The following TOM1L2 variants were observed in gnomAD, a reference collection of about 807,000 sequenced individuals.
TOM1L2 encodes the protein target of myb1 like 2 membrane trafficking protein.
Under a neutral mutation model 67.9 loss-of-function variants are expected in TOM1L2, and 31 were observed. That is an observed-to-expected ratio of 0.46 (90% confidence interval 0.34 to 0.62). The LOEUF is 0.62. Among genes scored for constraint, TOM1L2 ranks in the 20% least tolerant of loss-of-function variants. The probability of loss-of-function intolerance (pLI) is 0.01; values close to 1 mark genes in which losing one functional copy is unlikely to be tolerated. For synonymous variants in TOM1L2, 256 were observed against 254.0 expected (o/e 1.01, Z -0.07); for missense variants, 606 against 663.5 (o/e 0.91, Z 0.95).
chr17:17,959,891 GGTCA>G (rs2041616167), intron 1 of TOM1L2, among the ~76,000 whole-genome samples: 1 of 152,154 alleles, frequency 6.6e-6, no homozygotes, highest in South Asian at 2.1e-4. Flanking sequence ...AAAGCAAGTT[GGTCA>G]GTTAGACAAT....
In TOM1L2 at chr17:17,847,745, C is replaced by T; in HGVS notation, c.1414G>A (p.Glu472Lys). Residue 472 changes from glutamate (E) to lysine (K), a missense_variant, in exon 15 of 15, where the codon GAA becomes AAA. Transcript: ENST00000379504. ...KFLEERAKAA[E>K]MVPDLPSPPM... ...GGCGAGGGGAGGTCGGGAACCATTT[C>T]AGCAGCTTTGGCTCTTTCTTCAAGG... The T allele has an allele frequency of 1.9e-6, 3 of 1,614,096 alleles. No individual in the cohort carries two copies. Among genetic ancestry groups the T allele is most frequent in the Non-Finnish European group, 2.5e-6 (3 of 1,180,002 alleles).
chr17:17,850,843 G>A, intron 13 of TOM1L2, 50 bp downstream of exon 13: 1 of 1,598,164 alleles, frequency 6.3e-7, no homozygotes, highest in Non-Finnish European at 8.6e-7. Context: ...CCTCAGAAGA[G>A]CCTCTGCCGC....
rs1263606148 is a variant in TOM1L2, at chr17:17,845,343, A to AGCTGGC, written c.*2286_*2291dup. 8 of 152,400 alleles carry AGCTGGC rather than the reference A, an allele frequency of 5.2e-5. No individual in the cohort carries two copies. The highest frequency in any genetic ancestry group is 1.9e-4 in the East Asian group (1 of 5,180). 9.4% of individuals were successfully genotyped at this position (152,400 alleles called of 1,614,324 possible). On this transcript the variant is annotated 3_prime_UTR_variant, in exon 15 of 15. Coordinates refer to ENST00000379504, the MANE Select transcript of TOM1L2 (RefSeq NM_001082968.2). Reference sequence around the variant, plus strand: ...GCCTCTCCAATGATGCCTGGCAACCAGCTGGCGCTGGCGCTGGAGCTGGAG... The same window carrying AGCTGGC: ...GCCTCTCCAATGATGCCTGGCAACCAGCTGGCGCTGGCGCTGGCGCTGGAGCTGGAG...
intron 1 of TOM1L2, among the ~76,000 whole-genome samples, chr17:17,939,253 T>C (rs1478091274): frequency 6.6e-6 from 1 of 152,220 alleles, no homozygotes; most frequent in Admixed American, 6.5e-5. Context: ...CAGCTGGCTT[T>C]TAGAGTTGAA....
rs1568164106 is a variant in TOM1L2, at chr17:17,884,729, C to T, written c.406G>A (p.Gly136Ser). 7 of 1,613,688 alleles carry T rather than the reference C, an allele frequency of 4.3e-6. No homozygotes were observed. Among genetic ancestry groups the T allele is most frequent in the African/African-American group, 1.3e-5 (1 of 74,880 alleles). The change falls in exon 5 of 15, where the codon GGC (glycine) becomes AGC (serine). Residue 136 changes from glycine to serine, a missense_variant. Gly to Ser is a moderately conservative substitution (Grantham distance 56, BLOSUM62 0). This residue lies in a region of TOM1L2 where 543 missense variants were observed against 554.0 expected (regional missense o/e 0.98). Transcript: ENST00000379504. ...DAFRSSPDLT[G>S]VVHIYEELKR... The stretch of plus-strand genomic sequence containing the variant: ...AGCTCCTCATATATGTGCACAACGC[C>T]GGTGAGATCAGGACTGCTTCGAAAG...
At chr17:17,928,412 T>C (rs1272038724) in intron 1 of TOM1L2, among the ~76,000 whole-genome samples, 3 of 152,196 alleles carry the variant, frequency 2.0e-5, no homozygotes, top group Non-Finnish European at 4.4e-5. Flanking sequence ...GGCATAGGAA[T>C]GCTAAGAGGA....
At chr17:17,852,891 G>C (rs1420001173) in intron 12 of TOM1L2, among the ~76,000 whole-genome samples, 1 of 102,858 alleles carries the variant, frequency 9.7e-6, no homozygotes, top group South Asian at 3.1e-4. Flanking sequence ...AAAAAAAAAA[G>C]AACATTGAAT....
rs1202798924 is a variant in TOM1L2 at position 17,844,675 on chromosome 17, G to A, written c.*2960C>T. 1 of 152,220 alleles carries A rather than the reference G, an allele frequency of 6.6e-6. No individual in the cohort carries two copies. The highest frequency in any genetic ancestry group is 2.4e-5 in the African/African-American group (1 of 41,442). 9.4% of individuals were successfully genotyped at this position (152,220 alleles called of 1,614,324 possible). A position where few individuals can be genotyped will look rare whatever the true frequency, so the allele number is the denominator to read the frequency against. On this transcript the variant is annotated 3_prime_UTR_variant, in exon 15 of 15. Coordinates refer to ENST00000379504, the MANE Select transcript of TOM1L2 (RefSeq NM_001082968.2). ...GCCCAGGCAGGGCTACTCTGCAGCA[G>A]GCAGGCCAAAGGCCCATGGTGCCAG...
At chr17:17,926,964 C>T (rs2040116193) in intron 1 of TOM1L2, among the ~76,000 whole-genome samples, 1 of 152,186 alleles carries the variant, frequency 6.6e-6, no homozygotes, top group South Asian at 2.1e-4. Flanking sequence ...TCAGGGCTAA[C>T]AGACTTATCA....
intron 1 of TOM1L2, among the ~76,000 whole-genome samples, chr17:17,949,713 GT>G (rs2041104942): frequency 6.6e-6 from 1 of 152,180 alleles, no homozygotes; most frequent in African/African-American, 2.4e-5. Context: ...CTGGTGGTGT[GT>G]CCCGAAAAGG....
intron 2 of TOM1L2, among the ~76,000 whole-genome samples, chr17:17,904,942 G>C (rs546857785): frequency 2.4e-4 from 37 of 152,316 alleles, no homozygotes; most frequent in Non-Finnish European, 5.0e-4. Flanking sequence ...CCTGCCAGGT[G>C]AGCGTTCAAG....
chr17:17,847,700 G>T lies in TOM1L2; in HGVS notation c.1459C>A (p.Pro487Thr), dbSNP rs202079010. The T allele has an allele frequency of 1.7e-4, 272 of 1,613,936 alleles. 5 individuals are homozygous for T. The Admixed American group carries it at 2.5e-3, about 15-fold the overall frequency. Residue 487 changes from proline to threonine, a missense_variant, in exon 15 of 15, where the codon CCA (proline) becomes ACA (threonine). This residue lies in a region of TOM1L2 where 543 missense variants were observed against 554.0 expected (regional missense o/e 0.98). Transcript: ENST00000379504. ...LPSPPMEAPAPASNPSGRKKP... is the reference protein window; with the variant it reads ...LPSPPMEAPATASNPSGRKKP... ...TTCCGGCCAGAAGGGTTTGAGGCTG[G>T]GGCAGGAGCCTCCATGGGGGGCGAG...
Position 17,972,333 on chromosome 17 carries a change from G to T in TOM1L2, c.-20C>A. On this transcript the variant is annotated 5_prime_UTR_variant, in exon 1 of 15. It adds an upstream start codon to the 5' untranslated region. Transcript: ENST00000379504. ...CTCCATCTTGGGTGGACAACACGCA[G>T]CGGCCCGGGCCCCCTGTCTGCCACC... The T allele has an allele frequency of 1.3e-6, 2 of 1,549,572 alleles. No homozygotes were observed. Among genetic ancestry groups the T allele is most frequent in the Non-Finnish European group, 1.7e-6 (2 of 1,147,186 alleles).
At chr17:17,942,696 G>A (rs2040784023) in intron 1 of TOM1L2, among the ~76,000 whole-genome samples, 1 of 152,220 alleles carries the variant, frequency 6.6e-6, no homozygotes, top group Non-Finnish European at 1.5e-5. Flanking sequence ...ATGAGAATGT[G>A]ACTTGGGTTT....
At chr17:17,927,407 C>G (rs1263857629) in intron 1 of TOM1L2, among the ~76,000 whole-genome samples, 1 of 152,152 alleles carries the variant, frequency 6.6e-6, no homozygotes, top group Non-Finnish European at 1.5e-5. Flanking sequence ...TTTATCCCTT[C>G]TTCTTTCCCT....
At chr17:17,852,864 T>TA (rs552138706) in intron 12 of TOM1L2, among the ~76,000 whole-genome samples, 1,061 of 37,704 alleles carry the variant, frequency 0.028, 94 homozygotes, top group African/African-American at 0.07. Flanking sequence ...AAACTCTGTC[T>TA]AAAAAAAAAA....
chr17:17,926,573 C>T (rs545604877), intron 1 of TOM1L2, among the ~76,000 whole-genome samples: 136 of 152,184 alleles, frequency 8.9e-4, no homozygotes, highest in Non-Finnish European at 1.5e-3. Flanking sequence ...TAAATGTAAC[C>T]ATATTTGGGC....
intron 4 of TOM1L2, among the ~76,000 whole-genome samples, chr17:17,891,548 C>T (rs1410068565): frequency 6.6e-6 from 1 of 152,168 alleles, no homozygotes; most frequent in East Asian, 1.9e-4. Flanking sequence ...GTGCAGTTCA[C>T]ACCCCTTGTG....
chr17:17,938,376 G>A (rs970950863), intron 1 of TOM1L2, among the ~76,000 whole-genome samples: 3 of 152,224 alleles, frequency 2.0e-5, no homozygotes, highest in African/African-American at 7.2e-5. Context: ...TTAGACCCTT[G>A]GTGCCTTTGA....
Sources: gnomAD v4.1 joint callset for allele counts (sites outside exome capture counted in the v4.1 genomes callset) on GRCh38, gnomAD v4.1.1 for gene constraint, gnomAD v4.1.1 regional missense constraint, MANE v1.5 for transcripts, NCBI Gene and HGNC (gene_info 2026-07-23, HGNC 2026-07-21) for gene names.